PTPRG: variants seen among roughly 807,000 people sequenced by gnomAD.
PTPRG encodes protein tyrosine phosphatase receptor type G, also known as receptor-type tyrosine-protein phosphatase gamma.
PTPRG carries 102 observed loss-of-function variants against 165.3 expected under a neutral mutation model. The observed-to-expected ratio is 0.62, with a 90% confidence interval of 0.53 to 0.73. PTPRG has a LOEUF of 0.73. Among genes scored for constraint, PTPRG ranks in the 30% least tolerant of loss-of-function variants. PTPRG has a pLI of 0.00. For missense variants in PTPRG, 1,866 were observed against 1,861.4 expected (o/e 1.00, Z -0.05); for synonymous variants, 675 against 669.5 (o/e 1.01, Z -0.13).
intron 1 of PTPRG, among the ~76,000 whole-genome samples, chr3:61,567,404 A>G (rs1009633627): frequency 6.6e-6 from 1 of 152,156 alleles, no homozygotes; most frequent in African/African-American, 2.4e-5. Flanking sequence ...AAAACTGGGC[A>G]CTGTGGCTCA....
intron 2 of PTPRG, among the ~76,000 whole-genome samples, chr3:61,828,300 G>T (rs2036170679): frequency 6.6e-6 from 1 of 152,216 alleles, no homozygotes; most frequent in South Asian, 2.1e-4. Context: ...ACACAGTATG[G>T]AAGATGTTTA....
intron 6 of PTPRG, 74 bp from the exon 7 acceptor site, chr3:62,156,993 G>C: frequency 7.5e-7 from 1 of 1,337,490 alleles, no homozygotes; most frequent in Non-Finnish European, 1.1e-6. Flanking sequence ...CATGCCGAGG[G>C]TGTTGACTGT....
intron 1 of PTPRG, among the ~76,000 whole-genome samples, chr3:61,635,384 C>T (rs1311985651): frequency 6.7e-6 from 1 of 150,324 alleles, no homozygotes; most frequent in African/African-American, 2.4e-5. Flanking sequence ...GAGACAGAGT[C>T]TCACTCTTAT....
At chr3:61,742,340 T>TCTTCAGTA in intron 1 of PTPRG, 1 of 658,620 alleles carries the variant, frequency 1.5e-6, no homozygotes, top group South Asian at 2.2e-5. Flanking sequence ...TGCGTTGATA[T>TCTTCAGTA]CTTCAGTAGT....
intron 5 of PTPRG, among the ~76,000 whole-genome samples, chr3:62,132,200 A>T (rs1314568230): frequency 6.6e-6 from 1 of 152,222 alleles, no homozygotes; most frequent in African/African-American, 2.4e-5. Flanking sequence ...TTTTCTAAAA[A>T]GAAGGGAAAA....
chr3:61,866,006 A>G (rs147479174), intron 2 of PTPRG, among the ~76,000 whole-genome samples: 1 of 152,310 alleles, frequency 6.6e-6, no homozygotes, highest in East Asian at 1.9e-4. Flanking sequence ...TGGCTTGTTT[A>G]CAGATAGAAT....
intron 2 of PTPRG, among the ~76,000 whole-genome samples, chr3:61,776,454 A>C (rs1029590859): frequency 6.6e-6 from 1 of 152,124 alleles, no homozygotes; most frequent in African/African-American, 2.4e-5. Flanking sequence ...GTGTCACTTT[A>C]TGCTTATGGT....
At chr3:62,056,469 A>T (rs1454155734) in intron 4 of PTPRG, among the ~76,000 whole-genome samples, 1 of 152,160 alleles carries the variant, frequency 6.6e-6, no homozygotes, top group Non-Finnish European at 1.5e-5. Flanking sequence ...TGGTAGCCCA[A>T]GACAATTCTT....
chr3:61,780,439 A>G (rs2034513309), intron 2 of PTPRG, among the ~76,000 whole-genome samples: 1 of 152,176 alleles, frequency 6.6e-6, no homozygotes, highest in African/African-American at 2.4e-5. Context: ...TTTGGGCTGT[A>G]TTTAGTCTGT....
chr3:61,760,840 T>C (rs1369638728), intron 2 of PTPRG, among the ~76,000 whole-genome samples: 2 of 152,200 alleles, frequency 1.3e-5, no homozygotes, highest in Non-Finnish European at 2.9e-5. Context: ...AGTAAGAACA[T>C]GCAGTGTTTG....
Position 62,192,393 on chromosome 3 carries a change from C to CTTTTTTTTTTTTT in PTPRG, c.1218+761_1218+773dup, listed in dbSNP as rs71123255. Among the ~76,000 whole-genome samples, 10 of 52,620 alleles carry CTTTTTTTTTTTTT rather than the reference C, an allele frequency of 1.9e-4. 1 individual carries two copies. The highest frequency in any genetic ancestry group is 6.6e-4 in the Admixed American group (2 of 3,036). 34.5% of individuals were successfully genotyped at this position (52,620 alleles called of 152,430 possible). A position where few individuals can be genotyped will look rare whatever the true frequency, so the allele number is the denominator to read the frequency against. ...ATAAAGCAAACTCCACAACTACTGTCTTTTTTTTTTTTTTTTTTTTTTTTT... is the reference window on the plus strand; with the variant it reads ...ATAAAGCAAACTCCACAACTACTGTCTTTTTTTTTTTTTTTTTTTTTTTTTTTTTTTTTTTTTT... On this transcript the variant is annotated intron_variant, in intron 9 of 29. Transcript: ENST00000474889.
rs532036515 is a variant in PTPRG at position 62,061,731 on chromosome 3, C to T, written c.520-16432C>T. 7.9e-5 allele frequency among the ~76,000 whole-genome samples: 12 copies of T among 151,354 alleles called. No individual in the cohort carries two copies. In the East Asian group the frequency reaches 1.8e-3, roughly 23 times the overall value. On this transcript the variant is annotated intron_variant, in intron 4 of 29. Coordinates refer to ENST00000474889, the MANE Select transcript of PTPRG (RefSeq NM_002841.4). ...GCAATCTCTGCCTCCTGGGTTTCAGCGATTCTCCTGCCTCAGCCTCCTGGG... is the reference window on the plus strand; with the variant it reads ...GCAATCTCTGCCTCCTGGGTTTCAGTGATTCTCCTGCCTCAGCCTCCTGGG...
chr3:61,626,755 G>A (rs904640986), intron 1 of PTPRG, among the ~76,000 whole-genome samples: 3 of 152,144 alleles, frequency 2.0e-5, no homozygotes, highest in African/African-American at 7.2e-5. Context: ...AAGGCTGGTT[G>A]GCAGATTATT....
Position 62,255,146 on chromosome 3 carries a change from C to G in PTPRG, c.2490C>G (p.Val830=). The G allele has an allele frequency of 6.2e-7, 1 of 1,612,782 alleles. No homozygotes were observed. The change falls in exon 16 of 30, where the codon GTC becomes GTG. Residue 830 remains valine (V), a synonymous_variant. Coordinates refer to ENST00000474889, the MANE Select transcript of PTPRG (RefSeq NM_002841.4). The surrounding 1 kb of genome is among the most constrained non-coding windows in gnomAD (Gnocchi z 4.0). ...CAGATGACATGGAAGCCATTCCTGT[C>G]AAACAGTTTGTCAAACACATCGGTG... ...PIPDDMEAIP[V]KQFVKHIGEL... is the part of the protein sequence containing the mutation.
Position 61,989,705 on chromosome 3 carries a change from C to G in PTPRG, c.271C>G (p.Gln91Glu). ...RHQSPIDILD[Q>E]YARVGEEYQE... ...CCAGTCTCCTATTGACATTTTAGACCAGTATGCGCGTGTTGGGGAAGAATA... is the reference window on the plus strand; with the variant it reads ...CCAGTCTCCTATTGACATTTTAGACGAGTATGCGCGTGTTGGGGAAGAATA... Residue 91 changes from glutamine (Q) to glutamate (E), a missense_variant, in exon 3 of 30, where the codon CAG becomes GAG. Physicochemically the swap from Gln to Glu is conservative, Grantham distance 29. This residue lies in a region of PTPRG where 408 missense variants were observed against 376.2 expected (regional missense o/e 1.08). Coordinates refer to ENST00000474889, the MANE Select transcript of PTPRG (RefSeq NM_002841.4). 6.2e-7 allele frequency: 1 copy of G among 1,614,080 alleles called. No homozygotes were observed. Among genetic ancestry groups the G allele is most frequent in the Non-Finnish European group, 8.5e-7 (1 of 1,179,988 alleles).
chr3:61,628,550 TCTTGAA>T (rs1223018487), intron 1 of PTPRG, among the ~76,000 whole-genome samples: 2 of 152,168 alleles, frequency 1.3e-5, no homozygotes, highest in Admixed American at 6.5e-5. Context: ...GCCAGGCTGG[TCTTGAA>T]CTTCTGACCT....
At chr3:61,964,230 G>A (rs1158588061) in intron 2 of PTPRG, among the ~76,000 whole-genome samples, 1 of 152,222 alleles carries the variant, frequency 6.6e-6, no homozygotes, top group African/African-American at 2.4e-5. Flanking sequence ...CACTAAAGTG[G>A]TTTGGAGACT....
intron 17 of PTPRG, among the ~76,000 whole-genome samples, chr3:62,266,917 G>GTAA (rs1701893495): frequency 6.6e-6 from 1 of 150,868 alleles, no homozygotes; most frequent in Non-Finnish European, 1.5e-5. Flanking sequence ...TCAGATTCCT[G>GTAA]TAATGAGATT....
chr3:62,114,608 G>A (rs1702794040), intron 5 of PTPRG, among the ~76,000 whole-genome samples: 1 of 152,190 alleles, frequency 6.6e-6, no homozygotes, highest in African/African-American at 2.4e-5. Flanking sequence ...AATAAGGAAT[G>A]TTAACCTCTA....
Sources: gnomAD v4.1 joint callset for allele counts (sites outside exome capture counted in the v4.1 genomes callset) on GRCh38, gnomAD v4.1.1 for gene constraint, gnomAD v4.1.1 regional missense constraint, Gnocchi (gnomAD v3.1) non-coding constraint, MANE v1.5 for transcripts, NCBI Gene and HGNC (gene_info 2026-07-23, HGNC 2026-07-21) for gene names.